CA8: variants seen among roughly 807,000 people sequenced by gnomAD.
CA8 encodes the protein carbonic anhydrase 8 (inactive).
Under a neutral mutation model 41.4 loss-of-function variants are expected in CA8, and 22 were observed. The ratio of observed to expected loss-of-function variants is 0.53; its 90% confidence interval spans 0.38 to 0.76. The LOEUF (loss-of-function observed/expected upper bound fraction) is 0.76. Ranked by LOEUF, CA8 falls within the 30% of genes least tolerant of loss-of-function variation. The pLI, the probability that CA8 is intolerant of heterozygous loss-of-function variation, is 0.00. For missense variants in CA8, 270 were observed against 352.8 expected, an observed-to-expected ratio of 0.77 and a Z score of 1.88; for synonymous variants, 121 against 130.6, an observed-to-expected ratio of 0.93 and a Z score of 0.50.
intron 7 of CA8, among the ~76,000 whole-genome samples, chr8:60,221,470 C>T (rs1807245112): frequency 6.6e-6 from 1 of 152,178 alleles, no homozygotes; most frequent in South Asian, 2.1e-4. Context: ...AAGAACACAT[C>T]ACCAGTGATA....
At chr8:60,219,981 C>T (rs116559869) in intron 7 of CA8, among the ~76,000 whole-genome samples, 2,166 of 145,878 alleles carry the variant, frequency 0.015, 70 homozygotes, top group African/African-American at 0.052. Flanking sequence ...AACGTTGTCC[C>T]TAAAACCCTC....
chr8:60,194,156 T>C (rs76774131), intron 8 of CA8, among the ~76,000 whole-genome samples: 31 of 152,308 alleles, frequency 2.0e-4, no homozygotes, highest in African/African-American at 7.5e-4. Context: ...TCTCCAAATA[T>C]ATGAGTGACA....
At chr8:60,272,959 G>A (rs1215609312) in intron 2 of CA8, among the ~76,000 whole-genome samples, 1 of 152,226 alleles carries the variant, frequency 6.6e-6, no homozygotes, top group African/African-American at 2.4e-5. Context: ...CAGCTTGCCA[G>A]TTCCTGCAGT....
intron 3 of CA8, among the ~76,000 whole-genome samples, chr8:60,243,710 G>T (rs955020591): frequency 2.0e-5 from 3 of 152,172 alleles, no homozygotes; most frequent in Non-Finnish European, 4.4e-5. Flanking sequence ...CTGCTCTGCA[G>T]CAGCCGGTAG....
intron 2 of CA8, among the ~76,000 whole-genome samples, chr8:60,273,905 T>C (rs1358125097): frequency 6.6e-6 from 1 of 152,254 alleles, no homozygotes; most frequent in African/African-American, 2.4e-5. Flanking sequence ...TGGGATTATA[T>C]ATACAGGAAC....
At chr8:60,218,079 C>A (rs952904181) in intron 7 of CA8, among the ~76,000 whole-genome samples, 1 of 152,162 alleles carries the variant, frequency 6.6e-6, no homozygotes, top group Non-Finnish European at 1.5e-5. Context: ...CCACACTTAC[C>A]GCAAGCGTTC....
chr8:60,269,865 G>A lies in CA8; in HGVS notation c.293-3816C>T, dbSNP rs1032848629. 3.4e-4 allele frequency among the ~76,000 whole-genome samples: 51 copies of A among 152,154 alleles called. 1 individual carries two copies. Among genetic ancestry groups the A allele is most frequent in the Admixed American group, 2.9e-3 (45 of 15,278 alleles). ...CAAGAGCAGGAAAGGGTAGCAGGAG[G>A]GCATCCAGCAACGGACAAGCCAATA... On this transcript the variant is annotated intron_variant, in intron 2 of 8. Coordinates refer to ENST00000317995, the MANE Select transcript of CA8 (RefSeq NM_004056.6).
chr8:60,253,599 C>G (rs778576388), intron 3 of CA8, among the ~76,000 whole-genome samples: 1 of 152,124 alleles, frequency 6.6e-6, no homozygotes, highest in Non-Finnish European at 1.5e-5. Flanking sequence ...TAGTAGTTCT[C>G]GGTTGCCTCA....
Position 60,281,106 on chromosome 8 carries a change from G to A in CA8, c.42C>T (p.Pro14=), listed in dbSNP as rs528318434. 220 of 1,603,430 alleles carry A rather than the reference G, an allele frequency of 1.4e-4. 2 individuals carry two copies. In the East Asian group the frequency reaches 4.3e-3, roughly 31 times the overall value. Residue 14 remains proline, a synonymous_variant, in exon 1 of 9, where the codon CCC becomes CCT. Transcript: ENST00000317995. The part of the protein sequence containing the change: ...LSFIEDTVAF[P]EKEEDEEEEE... ...CTTCCTCCTCATCCTCTTCCTTCTC[G>A]GGGAAGGCGACGGTATCTTCGATGA...
intron 2 of CA8, among the ~76,000 whole-genome samples, chr8:60,274,851 G>A (rs529674394): frequency 2.2e-4 from 34 of 152,248 alleles, no homozygotes; most frequent in Middle Eastern, 6.8e-3. Context: ...TAAGACACGA[G>A]AAAAGACTCA....
At chr8:60,201,850 G>A (rs1304942529) in intron 8 of CA8, among the ~76,000 whole-genome samples, 1 of 152,142 alleles carries the variant, frequency 6.6e-6, no homozygotes, top group Non-Finnish European at 1.5e-5. Context: ...TAAATTTCGT[G>A]TTGTACTTTA....
intron 8 of CA8, among the ~76,000 whole-genome samples, chr8:60,205,214 AAG>A (rs768680445): frequency 6.6e-5 from 10 of 152,164 alleles, no homozygotes; most frequent in Non-Finnish European, 1.3e-4. Context: ...GGCAGAAAAA[AAG>A]AGAAACTAAA....
chr8:60,223,575 G>A (rs1204132224), intron 6 of CA8, among the ~76,000 whole-genome samples: 1 of 152,212 alleles, frequency 6.6e-6, no homozygotes, highest in African/African-American at 2.4e-5. Flanking sequence ...GTATGATCAT[G>A]TCTGTCTGAA....
intron 7 of CA8, among the ~76,000 whole-genome samples, chr8:60,217,333 C>T (rs1807056626): frequency 6.6e-6 from 1 of 152,170 alleles, no homozygotes; most frequent in Admixed American, 6.5e-5. Flanking sequence ...ATCCAGTTAT[C>T]ACTTTTTAGT....
chr8:60,256,156 C>T (rs1808629061), intron 3 of CA8, among the ~76,000 whole-genome samples: 1 of 152,116 alleles, frequency 6.6e-6, no homozygotes, highest in Non-Finnish European at 1.5e-5. Context: ...GTGATCCGCC[C>T]ACCTCAGCCT....
rs754202196 is a variant in CA8, at chr8:60,265,939, C to T, written c.403G>A (p.Ala135Thr). The T allele has an allele frequency of 6.2e-7, 1 of 1,613,984 alleles. No individual in the cohort carries two copies. The highest frequency in any genetic ancestry group is 8.5e-7 in the Non-Finnish European group (1 of 1,179,996). The change falls in exon 3 of 9, where the codon GCT becomes ACT. Residue 135 changes from alanine to threonine, a missense_variant. Physicochemically the swap from Ala to Thr is moderately conservative, Grantham distance 58 (BLOSUM62 0). Transcript: ENST00000317995. ...RGSEHTVNFKAFPMELHLIHW... is the reference protein window; with the variant it reads ...RGSEHTVNFKTFPMELHLIHW... ...GTTATTCTTACCTCCATGGGAAAAG[C>T]TTTGAAATTAACCGTGTGCTCAGAA...
chr8:60,276,195 A>G (rs1804227830), intron 2 of CA8, among the ~76,000 whole-genome samples: 1 of 152,156 alleles, frequency 6.6e-6, no homozygotes, highest in Admixed American at 6.5e-5. Flanking sequence ...CTAACACAGG[A>G]GACAAACGAG....
intron 8 of CA8, among the ~76,000 whole-genome samples, chr8:60,195,011 C>G (rs894746214): frequency 6.6e-6 from 1 of 152,136 alleles, no homozygotes; most frequent in African/African-American, 2.4e-5. Context: ...AGTTAGTAAT[C>G]AGAATACAAA....
At chr8:60,209,770 T>C (rs764456254) in intron 7 of CA8, among the ~76,000 whole-genome samples, 19 of 152,176 alleles carry the variant, frequency 1.2e-4, no homozygotes, top group Non-Finnish European at 2.8e-4. Flanking sequence ...GTCTTTACAA[T>C]ATTGATTTTC....
Sources: gnomAD v4.1 joint callset for allele counts (sites outside exome capture counted in the v4.1 genomes callset) on GRCh38, gnomAD v4.1.1 for gene constraint, MANE v1.5 for transcripts, NCBI Gene and HGNC (gene_info 2026-07-23, HGNC 2026-07-21) for gene names.